AHCYL2: variants seen among roughly 807,000 people sequenced by gnomAD.
The protein encoded by AHCYL2 is S-adenosylhomocysteine hydrolase-like protein 2.
A neutral mutation model predicts 81.4 loss-of-function variants in AHCYL2; 28 were observed. The ratio of observed to expected loss-of-function variants is 0.34; its 90% CI spans 0.25 to 0.47. AHCYL2 has a LOEUF of 0.47. Among genes scored for constraint, AHCYL2 ranks in the 20% least tolerant of loss-of-function variants. The pLI is 1.00. For synonymous variants in AHCYL2, 272 were observed against 290.2 expected, an observed-to-expected ratio of 0.94 and a Z score of 0.64; for missense variants, 551 against 785.1, an observed-to-expected ratio of 0.70 and a Z score of 3.56.
chr7:129,263,863 TGG>T (rs1190983133), intron 1 of AHCYL2, among the ~76,000 whole-genome samples: 1 of 152,172 alleles, frequency 6.6e-6, no homozygotes, highest in Non-Finnish European at 1.5e-5. Context: ...AATAGAAATG[TGG>T]GATTCTTTTA....
chr7:129,382,671 T>C (rs1795016069), intron 2 of AHCYL2, among the ~76,000 whole-genome samples: 1 of 152,036 alleles, frequency 6.6e-6, no homozygotes, highest in South Asian at 2.1e-4. Context: ...TTTGGGAGGC[T>C]GAGGTCGGCG....
At chr7:129,334,553 CTG>C (rs770123544) in intron 1 of AHCYL2, among the ~76,000 whole-genome samples, 15 of 152,290 alleles carry the variant, frequency 9.8e-5, no homozygotes, top group South Asian at 2.1e-4. Context: ...GCCGGAAGCT[CTG>C]TGAAAATCTT....
chr7:129,269,708 C>T (rs569840311), intron 1 of AHCYL2, among the ~76,000 whole-genome samples: 1 of 152,170 alleles, frequency 6.6e-6, no homozygotes, highest in Non-Finnish European at 1.5e-5. Flanking sequence ...AGTGTAGCCA[C>T]CATATCCGGC....
rs991404503 is a variant in AHCYL2, at chr7:129,235,257, C to T, written c.363+9818C>T. Among the ~76,000 whole-genome samples, 4 of 145,030 alleles carry T rather than the reference C, an allele frequency of 2.8e-5. No individual in the cohort carries two copies. In the East Asian group the frequency reaches 8.0e-4, roughly 29 times the overall value. Reference sequence around the variant, plus strand: ...CTAGCTGCTCCTTCTCATTCTTCTTCTTTTTTTTTTTTTGAGGCAGATCTC... The same window carrying T: ...CTAGCTGCTCCTTCTCATTCTTCTTTTTTTTTTTTTTTTGAGGCAGATCTC... On this transcript the variant is annotated intron_variant, in intron 1 of 16. Transcript: ENST00000325006.
rs1051301635 is a variant in AHCYL2, at chr7:129,310,147, TCCTTGATCTTC to T, written c.364-69490_364-69480del. ...TGGTGACTTAATAACATCATTTATA[TCCTTGATCTTC>T]AGTCTTTCCCTCTCCATTAACTTCA... On this transcript the variant is annotated intron_variant, in intron 1 of 16. Transcript: ENST00000325006. 4.6e-5 allele frequency among the ~76,000 whole-genome samples: 7 copies of T among 152,294 alleles called. No individual in the cohort carries two copies. The South Asian group carries it at 8.3e-4, about 18-fold the overall frequency.
chr7:129,314,536 C>G (rs983831344), intron 1 of AHCYL2, among the ~76,000 whole-genome samples: 6 of 152,280 alleles, frequency 3.9e-5, no homozygotes, highest in Admixed American at 3.9e-4. Flanking sequence ...GGTTAGGGCC[C>G]ACTTCCTGGT....
chr7:129,229,649 C>G (rs28637615), intron 1 of AHCYL2, among the ~76,000 whole-genome samples: 1 of 152,246 alleles, frequency 6.6e-6, no homozygotes, highest in Middle Eastern at 3.4e-3. Context: ...AACTCTAAGG[C>G]GTGTCTGTCT....
Position 129,426,320 on chromosome 7 carries a change from AT to A in AHCYL2, c.1709-118del. The A allele has an allele frequency of 6.7e-7, 1 of 1,484,008 alleles. No individual in the cohort carries two copies. Among genetic ancestry groups the A allele is most frequent in the Non-Finnish European group, 9.4e-7 (1 of 1,067,842 alleles). The allele number at this position is 1,484,008 out of a possible 1,614,324, so 91.9% of individuals were successfully genotyped here. On this transcript the variant is annotated intron_variant, in intron 15 of 16. Transcript: ENST00000325006. The surrounding 1 kb of genome is among the most constrained non-coding windows in gnomAD (Gnocchi z 4.3). ...GAGGACCAGTGAGCGAAGGTTGAAC[AT>A]TTTTCATTCAGCTCCAGGAATTAGA...
chr7:129,323,450 A>T (rs1798109702), intron 1 of AHCYL2, among the ~76,000 whole-genome samples: 1 of 152,110 alleles, frequency 6.6e-6, no homozygotes, highest in African/African-American at 2.4e-5. Context: ...TTTTAAATTT[A>T]TTTAAATTCG....
At chr7:129,273,569 C>G (rs1342484605) in intron 1 of AHCYL2, among the ~76,000 whole-genome samples, 1 of 151,796 alleles carries the variant, frequency 6.6e-6, no homozygotes, top group Non-Finnish European at 1.5e-5. Flanking sequence ...CTCAGGTGAT[C>G]CGCCCACCTC....
At chr7:129,389,252 A>G (rs10954231) in intron 3 of AHCYL2, 53 bp downstream of exon 3, 849,992 of 1,607,312 alleles carry the variant, frequency 0.53, 225,994 homozygotes, top group Middle Eastern at 0.59. Context: ...CTTTTTGTCC[A>G]TATTAATCCC....
At chr7:129,281,184 T>A in intron 1 of AHCYL2, among the ~76,000 whole-genome samples, 1 of 152,116 alleles carries the variant, frequency 6.6e-6, no homozygotes, top group East Asian at 1.9e-4. Context: ...TTTTAAATGT[T>A]AAACTCACCT....
intron 1 of AHCYL2, among the ~76,000 whole-genome samples, chr7:129,338,603 G>C (rs1473923972): frequency 6.6e-6 from 1 of 152,188 alleles, no homozygotes; most frequent in Non-Finnish European, 1.5e-5. Flanking sequence ...TTCCTGTTCT[G>C]ATGGATGAAA....
chr7:129,355,176 G>T lies in AHCYL2; in HGVS notation c.364-24462G>T, dbSNP rs761568705. Among the ~76,000 whole-genome samples, 178 of 152,084 alleles carry T rather than the reference G, an allele frequency of 1.2e-3. 3 individuals are homozygous for T. The highest frequency in any genetic ancestry group is 1.7e-3 in the Non-Finnish European group (113 of 68,014). On this transcript the variant is annotated intron_variant, in intron 1 of 16. Transcript: ENST00000325006. ...TTCATCCCTCATACTGTAAACACGT[G>T]TCCTGTTCATAATCTGTTTAGTGCC...
Position 129,415,438 on chromosome 7 carries a change from G to A in AHCYL2, c.1461+1750G>A, listed in dbSNP as rs534022182. Among the ~76,000 whole-genome samples, 125 of 152,152 alleles carry A rather than the reference G, an allele frequency of 8.2e-4. 1 individual carries two copies. The highest frequency in any genetic ancestry group is 2.7e-3 in the African/African-American group (112 of 41,506). ...CTTTATCTCATTTCATCTTTTTGAC[G>A]ACTCCATGAGGCATTATTCTTATTC... On this transcript the variant is annotated intron_variant, in intron 12 of 16. Coordinates refer to ENST00000325006, the MANE Select transcript of AHCYL2 (RefSeq NM_015328.4).
chr7:129,423,504 G>A lies in AHCYL2; in HGVS notation c.1560+566G>A, dbSNP rs965435122. On this transcript the variant is annotated intron_variant, in intron 13 of 16. Coordinates refer to ENST00000325006, the MANE Select transcript of AHCYL2 (RefSeq NM_015328.4). ...TGACTTTCATTTTATTGGCTTCCAT[G>A]TCAGTGTTTGACCACTTTTCCTTTC... Among the ~76,000 whole-genome samples the A allele has an allele frequency of 1.2e-4, 19 of 152,234 alleles. No homozygotes were observed. The East Asian group carries it at 3.7e-3, about 29-fold the overall frequency.
chr7:129,318,430 C>T (rs553959201), intron 1 of AHCYL2, among the ~76,000 whole-genome samples: 28 of 152,264 alleles, frequency 1.8e-4, no homozygotes, highest in Non-Finnish European at 2.8e-4. Context: ...CTTGAAACAA[C>T]AGACTATTCA....
intron 6 of AHCYL2, among the ~76,000 whole-genome samples, chr7:129,402,365 G>A (rs1338783945): frequency 6.6e-6 from 1 of 152,170 alleles, no homozygotes; most frequent in African/African-American, 2.4e-5. Flanking sequence ...GTAGACATGA[G>A]GTTGGGGATT....
chr7:129,405,350 A>G (rs2402951), intron 8 of AHCYL2, 137 bp downstream of exon 8: 447,797 of 491,490 alleles, frequency 0.91, 204,694 homozygotes, highest in East Asian at 0.97. Context: ...TTGTCACCTC[A>G]TAAATTAAAA....
Sources: allele counts gnomAD v4.1 joint callset (sites outside exome capture counted in the v4.1 genomes callset), GRCh38; gene constraint gnomAD v4.1.1; non-coding constraint Gnocchi (gnomAD v3.1); transcripts MANE v1.5; gene names NCBI Gene and HGNC (gene_info 2026-07-23, HGNC 2026-07-21).